Variants in ADGRL3 observed in about 807,000 individuals in gnomAD.
ADGRL3 encodes adhesion G protein-coupled receptor L3.
ADGRL3 carries 62 observed loss-of-function variants against 153.5 expected under a neutral mutation model. That is an observed-to-expected ratio of 0.40 (90% CI 0.33 to 0.50). The LOEUF (loss-of-function observed/expected upper bound fraction) is 0.50. Ranked by LOEUF, ADGRL3 falls within the 20% of genes least tolerant of loss-of-function variation. The probability of loss-of-function intolerance (pLI) is 0.47; values close to 1 mark genes in which losing one functional copy is unlikely to be tolerated. For missense variants in ADGRL3, 1,641 were observed against 1,859.4 expected (o/e 0.88, Z 2.16); for synonymous variants, 710 against 672.5 (o/e 1.06, Z -0.86).
chr4:61,341,904 T>A (rs890420854), intron 1 of ADGRL3, among the ~76,000 whole-genome samples: 4 of 152,176 alleles, frequency 2.6e-5, no homozygotes, highest in African/African-American at 9.6e-5. Context: ...AATTTGTAAT[T>A]AATATTTTGT....
intron 4 of ADGRL3, among the ~76,000 whole-genome samples, chr4:61,576,969 G>C (rs1295117400): frequency 6.6e-6 from 1 of 151,892 alleles, no homozygotes; most frequent in African/African-American, 2.4e-5. Context: ...TATAAATATT[G>C]TTGTACATGT....
chr4:62,062,217 A>G (rs185299623), intron 25 of ADGRL3, among the ~76,000 whole-genome samples: 265 of 152,102 alleles, frequency 1.7e-3, no homozygotes, highest in Non-Finnish European at 3.4e-3. Context: ...TTGTTTCATA[A>G]GATTATTTGC....
At chr4:62,006,032 A>ATATATATATATTT (rs1203029363) in intron 21 of ADGRL3, among the ~76,000 whole-genome samples, 8 of 73,082 alleles carry the variant, frequency 1.1e-4, no homozygotes, top group African/African-American at 2.0e-4. Flanking sequence ...ATATATATAT[A>ATATATATATATTT]TTTTTTTTTT....
chr4:61,867,509 T>C (rs1318764579), intron 9 of ADGRL3, among the ~76,000 whole-genome samples: 7 of 69,634 alleles, frequency 1.0e-4, no homozygotes, highest in Admixed American at 2.1e-4. Context: ...CAAAAAAATA[T>C]ATATGCATAT....
intron 9 of ADGRL3, among the ~76,000 whole-genome samples, chr4:61,831,381 A>G (rs1409912653): frequency 6.8e-6 from 1 of 147,686 alleles, no homozygotes; most frequent in Non-Finnish European, 1.5e-5. Flanking sequence ...AAAAAACGTC[A>G]TGAAGATGAA....
chr4:61,242,633 AT>A (rs368916810), intron 1 of ADGRL3, among the ~76,000 whole-genome samples: 2 of 152,000 alleles, frequency 1.3e-5, no homozygotes, highest in Non-Finnish European at 2.9e-5. Context: ...AGTTACATGC[AT>A]TTTTTATGAA....
intron 4 of ADGRL3, among the ~76,000 whole-genome samples, chr4:61,585,982 A>G (rs1009520487): frequency 6.6e-6 from 1 of 152,086 alleles, no homozygotes. Context: ...ATTCACAAAT[A>G]AAAGCAATAC....
At chr4:61,756,784 G>C (rs1485258250) in intron 8 of ADGRL3, among the ~76,000 whole-genome samples, 1 of 152,058 alleles carries the variant, frequency 6.6e-6, no homozygotes. Context: ...ACTATTTTGA[G>C]ATATGTCCCA....
intron 13 of ADGRL3, among the ~76,000 whole-genome samples, chr4:61,918,857 A>AAGTG (rs2098755913): frequency 1.3e-5 from 2 of 152,216 alleles, no homozygotes; most frequent in South Asian, 4.1e-4. Context: ...CTTTCTGTGA[A>AAGTG]CCAAAATTGC....
At chr4:61,316,433 T>C (rs759414717) in intron 1 of ADGRL3, among the ~76,000 whole-genome samples, 1 of 152,182 alleles carries the variant, frequency 6.6e-6, no homozygotes, top group Non-Finnish European at 1.5e-5. Flanking sequence ...ATTAGGTTGG[T>C]CAAAAGTAGT....
chr4:61,758,209 G>T (rs1247215071), intron 8 of ADGRL3, among the ~76,000 whole-genome samples: 1 of 152,048 alleles, frequency 6.6e-6, no homozygotes, highest in Non-Finnish European at 1.5e-5. Flanking sequence ...GACAATCCCT[G>T]GATATCCCTG....
intron 1 of ADGRL3, among the ~76,000 whole-genome samples, chr4:61,268,846 A>G (rs957922424): frequency 6.6e-6 from 1 of 151,616 alleles, no homozygotes; most frequent in African/African-American, 2.4e-5. Context: ...ACCTACATTA[A>G]TTCTTTAAAA....
intron 2 of ADGRL3, among the ~76,000 whole-genome samples, chr4:61,457,746 A>G (rs1308253199): frequency 6.6e-6 from 1 of 151,846 alleles, no homozygotes; most frequent in Non-Finnish European, 1.5e-5. Context: ...ATTATTTAAC[A>G]ACTCTTATTT....
chr4:61,266,444 G>T (rs558453775), intron 1 of ADGRL3, among the ~76,000 whole-genome samples: 6 of 151,884 alleles, frequency 4.0e-5, no homozygotes, highest in African/African-American at 1.4e-4. Context: ...TAGACTCTAA[G>T]AACATGCCAT....
intron 4 of ADGRL3, among the ~76,000 whole-genome samples, chr4:61,557,855 A>C (rs2098774433): frequency 6.6e-6 from 1 of 151,546 alleles, no homozygotes; most frequent in East Asian, 1.9e-4. Flanking sequence ...ATATTAGAGA[A>C]CTATGGCCCC....
At chr4:61,467,939 A>G (rs1168305602) in intron 2 of ADGRL3, among the ~76,000 whole-genome samples, 1 of 152,130 alleles carries the variant, frequency 6.6e-6, no homozygotes, top group Non-Finnish European at 1.5e-5. Flanking sequence ...ATATAAACTG[A>G]TGTTCTGACA....
At chr4:61,773,095 G>C (rs1054609388) in intron 8 of ADGRL3, among the ~76,000 whole-genome samples, 4 of 152,108 alleles carry the variant, frequency 2.6e-5, no homozygotes, top group Admixed American at 2.6e-4. Context: ...ATACTGAACT[G>C]TTCTTCAGTA....
At chr4:61,380,328 C>T (rs1426991924) in intron 1 of ADGRL3, among the ~76,000 whole-genome samples, 1 of 151,906 alleles carries the variant, frequency 6.6e-6, no homozygotes, top group African/African-American at 2.4e-5. Flanking sequence ...TGAATTCATA[C>T]CAACTAGAGC....
At chr4:62,047,189 G>T (rs184750212) in intron 25 of ADGRL3, among the ~76,000 whole-genome samples, 294 of 150,966 alleles carry the variant, frequency 1.9e-3, no homozygotes, top group African/African-American at 6.6e-3. Context: ...TTCCTTTCTT[G>T]GTAAGTTAGA....
Sources: allele counts gnomAD v4.1 joint callset (sites outside exome capture counted in the v4.1 genomes callset), GRCh38; gene constraint gnomAD v4.1.1; transcripts MANE v1.5; gene names NCBI Gene and HGNC (gene_info 2026-07-23, HGNC 2026-07-21).